The following IL7 variants were observed in gnomAD, a reference collection of about 807,000 sequenced individuals.
IL7 encodes the protein interleukin-7.
Under a neutral mutation model 21.6 loss-of-function variants are expected in IL7, and 3 were observed. The ratio of observed to expected loss-of-function variants is 0.14; its 90% confidence interval spans 0.06 to 0.36. The LOEUF is 0.36. IL7 is among the 10% of genes least tolerant of loss of function. The probability of loss-of-function intolerance (pLI) is 1.00; values close to 1 mark genes in which losing one functional copy is unlikely to be tolerated. For missense variants in IL7, 175 were observed against 200.2 expected, an observed-to-expected ratio of 0.87 and a Z score of 0.76; for synonymous variants, 62 against 68.1, an observed-to-expected ratio of 0.91 and a Z score of 0.44.
At chr8:78,776,325 T>C (rs914313017) in intron 2 of IL7, among the ~76,000 whole-genome samples, 5 of 152,040 alleles carry the variant, frequency 3.3e-5, no homozygotes, top group African/African-American at 1.2e-4. Context: ...TTGGATGGGA[T>C]AGAGTGAGAC....
intron 2 of IL7, among the ~76,000 whole-genome samples, chr8:78,755,272 C>G (rs891988705): frequency 6.6e-6 from 1 of 152,020 alleles, no homozygotes; most frequent in African/African-American, 2.4e-5. Context: ...AGACCTCCAG[C>G]TTTGTTCTTT....
At chr8:78,686,753 G>T in intron 3 of IL7, 1 of 782,408 alleles carries the variant, frequency 1.3e-6, no homozygotes, top group South Asian at 5.7e-5. Flanking sequence ...AATGGTGGTG[G>T]TAATCTAGTC....
intron 3 of IL7, among the ~76,000 whole-genome samples, chr8:78,697,132 G>A (rs1260404094): frequency 6.6e-6 from 1 of 152,166 alleles, no homozygotes; most frequent in Non-Finnish European, 1.5e-5. Flanking sequence ...AAGGGAATGT[G>A]AGCTGTTTCT....
chr8:78,761,778 TCAGAACCTCTTCAC>T (rs1313276634), intron 2 of IL7: 2 of 1,611,900 alleles, frequency 1.2e-6, no homozygotes, highest in African/African-American at 2.7e-5. Flanking sequence ...AACCGCTTTC[TCAGAACCTCTTCAC>T]CAGAATTTAT....
At chr8:78,802,773 C>T (rs558746762) in intron 1 of IL7, among the ~76,000 whole-genome samples, 1 of 152,178 alleles carries the variant, frequency 6.6e-6, no homozygotes, top group African/African-American at 2.4e-5. Context: ...AATTCAAATC[C>T]AAGACTGTCA....
chr8:78,719,300 A>G (rs1386186708), intron 5 of IL7: 1 of 151,722 alleles, frequency 6.6e-6, no homozygotes, highest in East Asian at 1.9e-4. Context: ...ATTGGCACAC[A>G]TTTGTTTCTC....
chr8:78,755,760 A>AAT (rs2130746918), intron 2 of IL7, among the ~76,000 whole-genome samples: 2 of 152,118 alleles, frequency 1.3e-5, no homozygotes, highest in Admixed American at 1.3e-4. Flanking sequence ...TCTATGTATA[A>AAT]TCATGTCATC....
At chr8:78,802,232 C>G (rs1814088690) in intron 1 of IL7, among the ~76,000 whole-genome samples, 1 of 152,196 alleles carries the variant, frequency 6.6e-6, no homozygotes, top group African/African-American at 2.4e-5. Context: ...TTTCTACAAT[C>G]CATCAACTCC....
chr8:78,793,047 G>A (rs1813745044), intron 2 of IL7, among the ~76,000 whole-genome samples: 1 of 152,086 alleles, frequency 6.6e-6, no homozygotes, highest in African/African-American at 2.4e-5. Flanking sequence ...GAGCCATGAA[G>A]AGAAATGAAA....
intron 2 of IL7, chr8:78,761,042 C>T: frequency 6.2e-7 from 1 of 1,612,182 alleles, no homozygotes; most frequent in Non-Finnish European, 8.5e-7. Flanking sequence ...GCCAGCTATA[C>T]AGTTATTCCA....
chr8:78,687,680 TTA>T (rs1185403261), intron 3 of IL7, among the ~76,000 whole-genome samples: 1 of 116,942 alleles, frequency 8.6e-6, no homozygotes, highest in South Asian at 2.7e-4. Flanking sequence ...ACGTAATACA[TTA>T]TATATATTTA....
chr8:78,680,218 A>T (rs937531056), intron 4 of IL7, among the ~76,000 whole-genome samples: 10 of 151,042 alleles, frequency 6.6e-5, no homozygotes, highest in African/African-American at 2.4e-4. Flanking sequence ...AAACTTAAAA[A>T]TTGAATTCTA....
chr8:78,760,384 C>A, intron 2 of IL7: 1 of 1,609,318 alleles, frequency 6.2e-7, no homozygotes, highest in Non-Finnish European at 8.5e-7. Flanking sequence ...ACAGGACCTT[C>A]AGCAATGCAT....
intron 3 of IL7, chr8:78,723,865 A>AT (rs1209096222): frequency 4.4e-6 from 1 of 225,312 alleles, no homozygotes; most frequent in Non-Finnish European, 1.0e-5. Context: ...GGAAACATGC[A>AT]TTTTCTGTAC....
downstream of IL7, among the ~76,000 whole-genome samples, chr8:78,713,156 A>C (rs2130608414): frequency 6.6e-6 from 1 of 152,290 alleles, no homozygotes; most frequent in East Asian, 1.9e-4. Context: ...TGAGCTGTTA[A>C]CAGGTAGATT....
At chr8:78,759,612 G>T (rs187434843) in intron 2 of IL7, among the ~76,000 whole-genome samples, 119 of 151,704 alleles carry the variant, frequency 7.8e-4, no homozygotes, top group Non-Finnish European at 1.5e-3. Context: ...GTTTCTTTAA[G>T]TTTGAGAAAG....
chr8:78,679,014 TAA>T (rs1435382024), intron 4 of IL7: 18 of 160,192 alleles, frequency 1.1e-4, no homozygotes, highest in Non-Finnish European at 1.9e-4. Flanking sequence ...TGATATAACT[TAA>T]GTTTTGATTC....
intron 2 of IL7, among the ~76,000 whole-genome samples, chr8:78,783,907 A>G (rs906850552): frequency 6.6e-6 from 1 of 152,190 alleles, no homozygotes; most frequent in African/African-American, 2.4e-5. Flanking sequence ...TTTTGAGAGC[A>G]TAACTCTAAA....
At chr8:78,706,880 G>GA (rs929752672) in intron 3 of IL7, among the ~76,000 whole-genome samples, 10 of 150,242 alleles carry the variant, frequency 6.7e-5, no homozygotes, top group East Asian at 5.8e-4. Flanking sequence ...TATAGAAAAG[G>GA]AAAAAAAAAT....
Sources: allele counts gnomAD v4.1 joint callset (sites outside exome capture counted in the v4.1 genomes callset), GRCh38; gene constraint gnomAD v4.1.1; transcripts MANE v1.5; gene names NCBI Gene and HGNC (gene_info 2026-07-23, HGNC 2026-07-21).